MYH11: variants seen among roughly 807,000 people sequenced by gnomAD.
MYH11 encodes the protein myosin heavy chain 11, also known as myosin-11.
Under a neutral mutation model 246.6 loss-of-function variants are expected in MYH11, and 80 were observed. The ratio of observed to expected loss-of-function variants is 0.32; its 90% CI spans 0.27 to 0.39. MYH11 has a LOEUF of 0.39. Ranked by LOEUF, MYH11 falls within the 10% of genes least tolerant of loss-of-function variation. MYH11 has a pLI of 1.00. For missense variants in MYH11, 2,158 were observed against 2,546.8 expected (o/e 0.85, Z 3.29); for synonymous variants, 1,071 against 1,015.5 (o/e 1.05, Z -1.04).
chr16:15,725,035 G>A (rs758612978), intron 28 of MYH11, 43 bp from the exon 29 acceptor site: 2 of 1,564,366 alleles, frequency 1.3e-6, no homozygotes, highest in Middle Eastern at 1.7e-4. Context: ...CTCTAGAAGG[G>A]GATCCTCGTT....
chr16:15,778,611 A>T (rs912766581), intron 7 of MYH11, among the ~76,000 whole-genome samples, 169 bp downstream of exon 7: 1 of 152,116 alleles, frequency 6.6e-6, no homozygotes, highest in Non-Finnish European at 1.5e-5. Flanking sequence ...TCCGGTCCAC[A>T]CATGTATAAC....
intron 2 of MYH11, among the ~76,000 whole-genome samples, chr16:15,824,455 G>GT (rs1307130054): frequency 1.3e-5 from 2 of 151,940 alleles, no homozygotes; most frequent in Non-Finnish European, 2.9e-5. Context: ...TTTTTATTTT[G>GT]TTTTTTGTAG....
At chr16:15,705,806 C>T (rs1266030534) in intron 40 of MYH11, among the ~76,000 whole-genome samples, 2 of 151,642 alleles carry the variant, frequency 1.3e-5, no homozygotes, top group Admixed American at 1.3e-4. Context: ...ATGGTGAAAC[C>T]GTGTCTCTAC....
intron 1 of MYH11, among the ~76,000 whole-genome samples, chr16:15,842,762 CAAAAA>C (rs757920488): frequency 5.1e-5 from 1 of 19,642 alleles, no homozygotes; most frequent in South Asian, 2.5e-3. Flanking sequence ...AGACTTCATC[CAAAAA>C]AAAAAAAAAA....
intron 5 of MYH11, chr16:15,786,404 A>T (rs2042469808): frequency 1.4e-6 from 1 of 738,346 alleles, no homozygotes; most frequent in African/African-American, 1.7e-5. Context: ...TTCTCATTTC[A>T]CAAAACGGGC....
chr16:15,788,391 G>C (rs1403934547), intron 4 of MYH11, among the ~76,000 whole-genome samples: 1 of 151,594 alleles, frequency 6.6e-6, no homozygotes, highest in Non-Finnish European at 1.5e-5. Flanking sequence ...CCCGAGGTCA[G>C]CCCAAGGTTC....
chr16:15,827,439 T>C (rs1165554949), intron 2 of MYH11, among the ~76,000 whole-genome samples: 2 of 152,162 alleles, frequency 1.3e-5, no homozygotes, highest in African/African-American at 2.4e-5. Flanking sequence ...CAGCTTGGTA[T>C]AAGCGGCTCC....
chr16:15,833,420 G>C (rs2043806110), intron 2 of MYH11, among the ~76,000 whole-genome samples: 1 of 147,352 alleles, frequency 6.8e-6, no homozygotes, highest in Admixed American at 6.7e-5. Flanking sequence ...AGGGAGGAAC[G>C]AACTAACTAA....
chr16:15,732,769 G>A (rs573242567), intron 26 of MYH11, 61 bp from the exon 27 acceptor site: 11 of 1,598,754 alleles, frequency 6.9e-6, no homozygotes, highest in Admixed American at 1.7e-5. Context: ...TCTCAGTGCC[G>A]TGCAAAAGAA....
Position 15,737,451 on chromosome 16 carries a change from G to A in MYH11, c.3291C>T (p.Ala1097=), listed in dbSNP as rs147605116. 294 of 1,612,160 alleles carry A rather than the reference G, an allele frequency of 1.8e-4. No individual in the cohort carries two copies. Among genetic ancestry groups the A allele is most frequent in the Non-Finnish European group, 2.3e-4 (268 of 1,180,026 alleles). The change falls in exon 25 of 41, where the codon GCC becomes GCT. Residue 1097 remains alanine, a splice_region_variant and synonymous_variant. Transcript: ENST00000300036. ...KKEEELQAAL[A]RLDDEIAQKN... ...ATGCCCCTTGCCAGCCCCGCTACCT[G>A]GCCAGGGCCGCCTGCAGCTCCTCCT...
chr16:15,721,723 C>A, intron 31 of MYH11, 89 bp from the exon 32 acceptor site: 2 of 1,381,286 alleles, frequency 1.4e-6, no homozygotes, highest in South Asian at 1.2e-5. Flanking sequence ...CTGTGTCCTG[C>A]TGAATGTATT....
At position 15,721,340 on chromosome 16, in the gene MYH11, G is replaced by A; in HGVS notation, c.4578+82C>T. The A allele has an allele frequency of 2.7e-6, 4 of 1,469,172 alleles. No homozygotes were observed. In the South Asian group the frequency reaches 3.4e-5, roughly 13 times the overall value. 91.0% of individuals were successfully genotyped at this position (1,469,172 alleles called of 1,614,324 possible). The stretch of plus-strand genomic sequence containing the variant: ...TAGTTCGCTATGAAAAAGGCCAGGA[G>A]CTAGCCTCGCATGGACTGGTGAATA... On this transcript the variant is annotated intron_variant, in intron 32 of 40. Transcript: ENST00000300036.
chr16:15,801,394 G>A (rs1399049808), intron 3 of MYH11, among the ~76,000 whole-genome samples: 1 of 152,100 alleles, frequency 6.6e-6, no homozygotes, highest in African/African-American at 2.4e-5. Flanking sequence ...AGTGGTTCAT[G>A]CCTGTAATCT....
rs753685135 is a variant in MYH11 at position 15,720,993 on chromosome 16, G to T, written c.4637C>A (p.Thr1546Lys). The T allele has an allele frequency of 6.2e-7, 1 of 1,614,004 alleles. No individual in the cohort carries two copies. The highest frequency in any genetic ancestry group is 8.5e-7 in the Non-Finnish European group (1 of 1,180,024). ...CTCGTCCTCCAGCTCTTCCAGCTGC[G>T]TCTTCATCTCCTCCATCTGGGTCTC... ...ALETQMEEMK[T>K]QLEELEDELQ... Residue 1546 changes from threonine to lysine, a missense_variant, in exon 33 of 41, where the codon ACG becomes AAG. Thr to Lys is a moderately conservative substitution (Grantham distance 78). Around this residue, in one of 11 missense-constraint regions of MYH11, gnomAD observed 1,013 missense variants for 993.5 expected, o/e 1.02. Coordinates refer to ENST00000300036, the MANE Select transcript of MYH11 (RefSeq NM_002474.3).
At chr16:15,706,550 A>G (rs933137416) in intron 40 of MYH11, among the ~76,000 whole-genome samples, 1 of 152,100 alleles carries the variant, frequency 6.6e-6, no homozygotes, top group Non-Finnish European at 1.5e-5. Flanking sequence ...TCTACTAAAT[A>G]TACTAAATTA....
intron 19 of MYH11, among the ~76,000 whole-genome samples, chr16:15,745,595 T>A (rs2151257364): frequency 6.8e-6 from 1 of 147,856 alleles, no homozygotes; most frequent in Non-Finnish European, 1.5e-5. Context: ...TTTTTTTTTT[T>A]TTTTTTTTTG....
At chr16:15,732,254 C>G (rs960031530) in intron 27 of MYH11, among the ~76,000 whole-genome samples, 1 of 152,042 alleles carries the variant, frequency 6.6e-6, no homozygotes, top group Non-Finnish European at 1.5e-5. Context: ...TGAGCCACCA[C>G]GCCTGGCCTA....
intron 10 of MYH11, 55 bp downstream of exon 10, chr16:15,763,741 T>TCGGGGGG: frequency 1.5e-6 from 1 of 646,862 alleles, no homozygotes; most frequent in Non-Finnish European, 2.9e-6. Context: ...AAATGTCACC[T>TCGGGGGG]CCCCCACCCC....
intron 27 of MYH11, among the ~76,000 whole-genome samples, chr16:15,729,165 G>C (rs555497681): frequency 1.3e-5 from 2 of 151,996 alleles, no homozygotes; most frequent in African/African-American, 4.8e-5. Flanking sequence ...GACCCTAGGG[G>C]ACATGGGCTC....
Sources: gnomAD v4.1 joint callset for allele counts (sites outside exome capture counted in the v4.1 genomes callset) on GRCh38, gnomAD v4.1.1 for gene constraint, gnomAD v4.1.1 regional missense constraint, MANE v1.5 for transcripts, NCBI Gene and HGNC (gene_info 2026-07-23, HGNC 2026-07-21) for gene names.